Variants in UMAD1 observed in about 807,000 individuals in gnomAD.
The protein encoded by UMAD1 is UBAP1-MVB12-associated (UMA) domain containing 1.
Under a neutral mutation model 6.1 loss-of-function variants are expected in UMAD1, and 8 were observed. The observed-to-expected ratio is 1.30, with a 90% CI of 0.76 to 2.35. The LOEUF (loss-of-function observed/expected upper bound fraction) is 2.35. Among genes scored for constraint, UMAD1 ranks in the 30% most tolerant of loss-of-function variants. The pLI is 0.00. For missense variants in UMAD1, 130 were observed against 78.4 expected (o/e 1.66, Z -2.49); for synonymous variants, 56 against 31.4 (o/e 1.78, Z -2.61).
chr7:7,666,734 A>G (rs774130697), intron 1 of UMAD1, among the ~76,000 whole-genome samples: 58 of 152,170 alleles, frequency 3.8e-4, no homozygotes, highest in Middle Eastern at 6.8e-3. Context: ...TATCCTTTAT[A>G]TACATTATTT....
At chr7:7,674,711 C>G (rs1029834524) in intron 2 of UMAD1, among the ~76,000 whole-genome samples, 10 of 152,112 alleles carry the variant, frequency 6.6e-5, no homozygotes, top group African/African-American at 2.4e-4. Flanking sequence ...GAATTTATGC[C>G]TTGGCTTCCA....
At chr7:7,790,966 C>T (rs1782556709) in intron 2 of UMAD1, among the ~76,000 whole-genome samples, 1 of 152,196 alleles carries the variant, frequency 6.6e-6, no homozygotes, top group Non-Finnish European at 1.5e-5. Context: ...TCTTGGCTCA[C>T]TGCAACCTCC....
At chr7:7,731,478 A>C (rs1781252302) in intron 2 of UMAD1, among the ~76,000 whole-genome samples, 1 of 136,090 alleles carries the variant, frequency 7.3e-6, no homozygotes, top group African/African-American at 2.9e-5. Context: ...AAAGCAAACA[A>C]ACAACCCCCC....
Position 7,815,423 on chromosome 7 carries a change from A to T in UMAD1, c.156+13680A>T, listed in dbSNP as rs558943141. ...AGAGTAGAGTAGAATTGATTAAATCATTTAGGAATTATGCTCAATTGAGAG... is the reference window on the plus strand; with the variant it reads ...AGAGTAGAGTAGAATTGATTAAATCTTTTAGGAATTATGCTCAATTGAGAG... On this transcript the variant is annotated intron_variant, in intron 3 of 3. Coordinates refer to ENST00000682710, the MANE Select transcript of UMAD1 (RefSeq NM_001302348.2). 1.2e-4 allele frequency among the ~76,000 whole-genome samples: 18 copies of T among 152,288 alleles called. No homozygotes were observed. The East Asian group carries it at 3.1e-3, about 26-fold the overall frequency.
intron 2 of UMAD1, among the ~76,000 whole-genome samples, chr7:7,684,170 A>G (rs1583732978): frequency 6.6e-6 from 1 of 152,164 alleles, no homozygotes; most frequent in Non-Finnish European, 1.5e-5. Context: ...GAATAATGAC[A>G]AGAAAAGAAG....
intron 1 of UMAD1, among the ~76,000 whole-genome samples, chr7:7,646,866 A>G (rs1785107524): frequency 6.6e-6 from 1 of 152,120 alleles, no homozygotes; most frequent in South Asian, 2.1e-4. Context: ...TTTGGGGTTT[A>G]TATGGGCACA....
At chr7:7,651,424 A>G (rs939525869) in intron 1 of UMAD1, among the ~76,000 whole-genome samples, 4 of 152,152 alleles carry the variant, frequency 2.6e-5, no homozygotes, top group Non-Finnish European at 4.4e-5. Context: ...GCCTGTTCCC[A>G]TTTAGGGCTG....
At chr7:7,737,385 T>C (rs6958003) in intron 2 of UMAD1, among the ~76,000 whole-genome samples, 13,236 of 152,210 alleles carry the variant, frequency 0.087, 690 homozygotes, top group African/African-American at 0.14. Flanking sequence ...AATAGAAGTT[T>C]CCCCTTCTCT....
intron 2 of UMAD1, among the ~76,000 whole-genome samples, chr7:7,711,896 C>T (rs1183857088): frequency 6.6e-6 from 1 of 152,116 alleles, no homozygotes; most frequent in Non-Finnish European, 1.5e-5. Context: ...CTTCCTATAG[C>T]ATCTTCTTAT....
At chr7:7,656,124 T>C (rs1785336356) in intron 1 of UMAD1, among the ~76,000 whole-genome samples, 1 of 152,120 alleles carries the variant, frequency 6.6e-6, no homozygotes, top group Non-Finnish European at 1.5e-5. Flanking sequence ...CATGAGCCAC[T>C]GCGCCTGGCC....
At chr7:7,820,180 T>C (rs149777891) in intron 3 of UMAD1, among the ~76,000 whole-genome samples, 7 of 152,366 alleles carry the variant, frequency 4.6e-5, no homozygotes, top group Admixed American at 1.3e-4. Flanking sequence ...TACAGAAAGA[T>C]GGTGATACAG....
intron 2 of UMAD1, among the ~76,000 whole-genome samples, chr7:7,719,185 C>G (rs1780992083): frequency 6.6e-6 from 1 of 152,080 alleles, no homozygotes; most frequent in East Asian, 1.9e-4. Flanking sequence ...CTAGCAGATA[C>G]AATGATGAAA....
At chr7:7,712,935 G>A (rs992693767) in intron 2 of UMAD1, among the ~76,000 whole-genome samples, 2 of 152,088 alleles carry the variant, frequency 1.3e-5, no homozygotes, top group Non-Finnish European at 2.9e-5. Context: ...TCTTGGCCTC[G>A]TGTTTCTTTA....
chr7:7,878,316 T>C lies in UMAD1; in HGVS notation c.*778T>C, dbSNP rs1784462729. On this transcript the variant is annotated 3_prime_UTR_variant, in exon 4 of 4. Transcript: ENST00000682710. ...CATATGTTCCCAGTTTATGAAGAGA[T>C]CCACATTTCCTTTCAACCCCTCTGC... 1.3e-5 allele frequency: 2 copies of C among 152,234 alleles called. No homozygotes were observed. Among genetic ancestry groups the C allele is most frequent in the South Asian group, 4.1e-4 (2 of 4,826 alleles). 9.4% of individuals were successfully genotyped at this position (152,234 alleles called of 1,614,324 possible).
chr7:7,684,964 A>G (rs1780007348), intron 2 of UMAD1, among the ~76,000 whole-genome samples: 1 of 152,164 alleles, frequency 6.6e-6, no homozygotes. Context: ...AATTTCTCCT[A>G]CTGTTTCCTT....
intron 2 of UMAD1, among the ~76,000 whole-genome samples, chr7:7,694,376 A>G (rs1780255529): frequency 6.6e-6 from 1 of 152,140 alleles, no homozygotes; most frequent in Admixed American, 6.5e-5. Flanking sequence ...TTTGTGATAC[A>G]GGCACTCCAA....
intron 2 of UMAD1, among the ~76,000 whole-genome samples, chr7:7,776,384 A>G (rs1782208019): frequency 6.6e-6 from 1 of 152,224 alleles, no homozygotes; most frequent in African/African-American, 2.4e-5. Flanking sequence ...AAAATATTGC[A>G]TACTTTGTAA....
At chr7:7,810,929 C>T (rs893281752) in intron 3 of UMAD1, among the ~76,000 whole-genome samples, 1 of 152,160 alleles carries the variant, frequency 6.6e-6, no homozygotes, top group African/African-American at 2.4e-5. Context: ...AAACATCTGT[C>T]CCCTGACACC....
At chr7:7,787,480 C>T (rs558270757) in intron 2 of UMAD1, among the ~76,000 whole-genome samples, 8 of 152,240 alleles carry the variant, frequency 5.3e-5, no homozygotes, top group African/African-American at 1.9e-4. Flanking sequence ...ATATTAGCAA[C>T]CTTTAAAATA....
Sources: allele counts gnomAD v4.1 joint callset (sites outside exome capture counted in the v4.1 genomes callset), GRCh38; gene constraint gnomAD v4.1.1; transcripts MANE v1.5; gene names NCBI Gene and HGNC (gene_info 2026-07-23, HGNC 2026-07-21).